The following C8orf34 variants were observed in gnomAD, a reference collection of about 807,000 sequenced individuals.
The protein encoded by C8orf34 is chromosome 8 open reading frame 34, also known as uncharacterized protein C8orf34.
Under a neutral mutation model 68.3 loss-of-function variants are expected in C8orf34, and 65 were observed. The ratio of observed to expected loss-of-function variants is 0.95; its 90% CI spans 0.78 to 1.17. The LOEUF (loss-of-function observed/expected upper bound fraction) is 1.17. Ranked by LOEUF, C8orf34 falls within the 50% of genes most tolerant of loss-of-function variation. The pLI is 0.00. For missense variants in C8orf34, 664 were observed against 655.4 expected (o/e 1.01, Z -0.14); for synonymous variants, 244 against 241.2 (o/e 1.01, Z -0.11).
At chr8:68,570,664 A>C (rs1025688580) in intron 7 of C8orf34, among the ~76,000 whole-genome samples, 3 of 152,212 alleles carry the variant, frequency 2.0e-5, no homozygotes, top group African/African-American at 7.2e-5. Context: ...GAAATAAGTC[A>C]TTAACCTCCT....
chr8:68,813,868 C>T (rs575335182), intron 12 of C8orf34, among the ~76,000 whole-genome samples: 9 of 152,296 alleles, frequency 5.9e-5, no homozygotes, highest in African/African-American at 2.2e-4. Context: ...GGGTGACTTA[C>T]CCAATATCCT....
chr8:68,398,847 C>T (rs116966635), intron 1 of C8orf34, among the ~76,000 whole-genome samples: 2,471 of 152,202 alleles, frequency 0.016, 38 homozygotes, highest in Non-Finnish European at 0.022. Context: ...CAGGTGACAG[C>T]GCAGCAGTGT....
At chr8:68,437,570 A>G (rs1810715560) in intron 1 of C8orf34, among the ~76,000 whole-genome samples, 1 of 152,218 alleles carries the variant, frequency 6.6e-6, no homozygotes, top group African/African-American at 2.4e-5. Context: ...CCACAGATGT[A>G]TACTTATGAT....
At chr8:68,602,054 G>A (rs544392137) in intron 7 of C8orf34, among the ~76,000 whole-genome samples, 9 of 152,160 alleles carry the variant, frequency 5.9e-5, no homozygotes, top group Admixed American at 1.3e-4. Context: ...TCACTGCCTC[G>A]TGGGGCCTAC....
intron 8 of C8orf34, among the ~76,000 whole-genome samples, chr8:68,648,583 C>T (rs1475130929): frequency 3.9e-5 from 6 of 152,248 alleles, no homozygotes; most frequent in Middle Eastern, 3.4e-3. Flanking sequence ...ATGCTATTTG[C>T]TTTTGATGGT....
intron 7 of C8orf34, among the ~76,000 whole-genome samples, chr8:68,604,819 C>T (rs1817807375): frequency 6.6e-6 from 1 of 151,874 alleles, no homozygotes; most frequent in African/African-American, 2.4e-5. Context: ...GATACAATAC[C>T]AAAGGCACAA....
chr8:68,497,713 C>A (rs1219157462), intron 5 of C8orf34, among the ~76,000 whole-genome samples: 1 of 152,002 alleles, frequency 6.6e-6, no homozygotes, highest in Non-Finnish European at 1.5e-5. Context: ...TAAGGAATGA[C>A]CCCTGGGATA....
At chr8:68,616,411 T>G (rs906295760) in intron 7 of C8orf34, among the ~76,000 whole-genome samples, 4 of 152,224 alleles carry the variant, frequency 2.6e-5, no homozygotes, top group Non-Finnish European at 4.4e-5. Context: ...TTTCCTGCTT[T>G]CTCTTGTGGG....
In C8orf34 at chr8:68,759,064, G is replaced by A. The variant is rs1259121835; in HGVS notation, c.1405-17335G>A. ...AGGAAATGATCTTAAAAAATTATAC[G>A]TAGACACATACATACATATACACAA... On this transcript the variant is annotated intron_variant, in intron 10 of 13. Transcript: ENST00000518698. Among the ~76,000 whole-genome samples, 8 of 152,012 alleles carry A rather than the reference G, an allele frequency of 5.3e-5. No homozygotes were observed. In the East Asian group the frequency reaches 7.8e-4, roughly 15 times the overall value.
intron 1 of C8orf34, among the ~76,000 whole-genome samples, chr8:68,393,177 G>A (rs1808543637): frequency 1.3e-5 from 2 of 152,096 alleles, no homozygotes; most frequent in Admixed American, 1.3e-4. Context: ...TCTGAAACCA[G>A]GGGAGAGTTT....
At chr8:68,403,215 T>C (rs1309428583) in intron 1 of C8orf34, among the ~76,000 whole-genome samples, 2 of 152,130 alleles carry the variant, frequency 1.3e-5, no homozygotes, top group Non-Finnish European at 2.9e-5. Context: ...AAGGCAGGGG[T>C]GCCTGAGGAC....
chr8:68,488,601 A>G (rs994385251), intron 5 of C8orf34, among the ~76,000 whole-genome samples: 3 of 152,144 alleles, frequency 2.0e-5, no homozygotes, highest in African/African-American at 7.2e-5. Flanking sequence ...GGAATTGCAG[A>G]ACAAATCAGT....
At chr8:68,337,149 C>T (rs966621429) in intron 1 of C8orf34, among the ~76,000 whole-genome samples, 1 of 152,004 alleles carries the variant, frequency 6.6e-6, no homozygotes, top group Admixed American at 6.5e-5. Context: ...GTTGGATAAA[C>T]AATAAGATGT....
chr8:68,600,420 C>T (rs1384289862), intron 7 of C8orf34, among the ~76,000 whole-genome samples: 1 of 152,110 alleles, frequency 6.6e-6, no homozygotes, highest in Non-Finnish European at 1.5e-5. Context: ...TTTACCTATT[C>T]CAGAGTTCTT....
chr8:68,669,691 A>G (rs970289676), intron 8 of C8orf34, among the ~76,000 whole-genome samples: 2 of 152,188 alleles, frequency 1.3e-5, no homozygotes, highest in African/African-American at 4.8e-5. Flanking sequence ...AGATGGATTC[A>G]TACACCTACT....
chr8:68,441,031 C>G (rs912351747), intron 2 of C8orf34, among the ~76,000 whole-genome samples: 1 of 152,142 alleles, frequency 6.6e-6, no homozygotes, highest in Admixed American at 6.5e-5. Context: ...GTCTCGATCT[C>G]CTGACCTCGT....
chr8:68,610,859 TG>T (rs1586446765), intron 7 of C8orf34, among the ~76,000 whole-genome samples: 1 of 134,016 alleles, frequency 7.5e-6, no homozygotes, highest in African/African-American at 3.5e-5. Flanking sequence ...AGTGAATCTT[TG>T]GTTTTTTTTT....
chr8:68,398,427 A>C (rs1018404113), intron 1 of C8orf34, among the ~76,000 whole-genome samples: 1 of 152,168 alleles, frequency 6.6e-6, no homozygotes, highest in African/African-American at 2.4e-5. Context: ...TTTGTAATGA[A>C]ACAGTTATCA....
At chr8:68,664,304 C>T (rs1421243839) in intron 8 of C8orf34, among the ~76,000 whole-genome samples, 1 of 152,158 alleles carries the variant, frequency 6.6e-6, no homozygotes, top group African/African-American at 2.4e-5. Flanking sequence ...CAGTAGTTAG[C>T]TTGGCCTATA....
Sources: allele counts gnomAD v4.1 joint callset (sites outside exome capture counted in the v4.1 genomes callset), GRCh38; gene constraint gnomAD v4.1.1; transcripts MANE v1.5; gene names NCBI Gene and HGNC (gene_info 2026-07-23, HGNC 2026-07-21).